Variants in DUSP15 observed in about 807,000 individuals in gnomAD.
The protein encoded by DUSP15 is dual specificity protein phosphatase 15.
DUSP15 carries 23 observed loss-of-function variants against 26.3 expected under a neutral mutation model. The ratio of observed to expected loss-of-function variants is 0.87; its 90% CI spans 0.63 to 1.24. The LOEUF is 1.24. Among genes scored for constraint, DUSP15 ranks in the 50% most tolerant of loss-of-function variants. DUSP15 has a pLI of 0.00. For synonymous variants in DUSP15, 143 were observed against 135.5 expected (o/e 1.06, Z -0.39); for missense variants, 364 against 320.6 (o/e 1.14, Z -1.03).
chr20:31,865,074 A>G, intron 3 of DUSP15, 72 bp from the exon 4 acceptor site: 2 of 1,558,462 alleles, frequency 1.3e-6, no homozygotes, highest in Non-Finnish European at 1.8e-6. Context: ...CGAGCTGCCC[A>G]GGCAGGGCAT....
chr20:31,846,442 T>A (rs551270680), downstream of DUSP15, among the ~76,000 whole-genome samples: 1 of 107,786 alleles, frequency 9.3e-6, no homozygotes, highest in East Asian at 2.3e-4. Context: ...AAGGAATGAA[T>A]AGAGAGAGAG....
chr20:31,854,581 A>G (rs2062530028), intron 6 of DUSP15, among the ~76,000 whole-genome samples: 1 of 152,186 alleles, frequency 6.6e-6, no homozygotes, highest in Non-Finnish European at 1.5e-5. Context: ...GGACACCCCC[A>G]GTATGTATTT....
chr20:31,849,616 C>A (rs2062430483), intron 8 of DUSP15: 1 of 1,476,908 alleles, frequency 6.8e-7, no homozygotes, highest in Admixed American at 1.8e-5. Context: ...CCAGTACAGG[C>A]CCTGGCACAG....
At chr20:31,846,293 GACACAC>G (rs71336552), downstream of DUSP15, among the ~76,000 whole-genome samples, 2,047 of 141,090 alleles carry the variant, frequency 0.015, 40 homozygotes, top group African/African-American at 0.049. Context: ...CACAGACACA[GACACAC>G]ACACACACAC....
chr20:31,868,661 G>A (rs1476049961), intron 2 of DUSP15, among the ~76,000 whole-genome samples: 3 of 151,876 alleles, frequency 2.0e-5, no homozygotes, highest in South Asian at 4.2e-4. Context: ...TGTATTTTTA[G>A]TAGAGACGGG....
downstream of DUSP15, among the ~76,000 whole-genome samples, chr20:31,858,280 G>C (rs1177590238): frequency 6.6e-6 from 1 of 152,144 alleles, no homozygotes; most frequent in Non-Finnish European, 1.5e-5. This position sits in a 1 kb window ranked among gnomAD's most constrained non-coding sequence, Gnocchi z 4.4. Flanking sequence ...TGCCCCCCCA[G>C]TCCCAGAGGC....
In DUSP15 at chr20:31,870,427, C is replaced by A; in HGVS notation, c.-90G>T. 7.7e-7 allele frequency: 1 copy of A among 1,295,690 alleles called. No homozygotes were observed. Among genetic ancestry groups the A allele is most frequent in the Non-Finnish European group, 9.7e-7 (1 of 1,025,818 alleles). 80.3% of individuals were successfully genotyped at this position (1,295,690 alleles called of 1,614,324 possible). On this transcript the variant is annotated 5_prime_UTR_variant, in exon 1 of 7. Transcript: ENST00000339738. This position sits in a 1 kb window ranked among gnomAD's most constrained non-coding sequence, Gnocchi z 6.6. ...CTGCCCTGACGGCCCAGGCCCGACG[C>A]CTGCAGCCTGGCGGGGAACGGGGGG...
chr20:31,856,221 A>G (rs1036491088), downstream of DUSP15, among the ~76,000 whole-genome samples: 1 of 152,228 alleles, frequency 6.6e-6, no homozygotes, highest in Non-Finnish European at 1.5e-5. Flanking sequence ...TGATAAAGAC[A>G]TGAAACATTT....
intron 6 of DUSP15, among the ~76,000 whole-genome samples, chr20:31,853,339 G>C (rs987078035): frequency 6.6e-6 from 1 of 152,080 alleles, no homozygotes; most frequent in South Asian, 2.1e-4. Context: ...GCTATCTGCC[G>C]AGCCATAGAA....
chr20:31,848,443 G>C (rs2062403405), exon 10 of DUSP15: 7 of 1,611,944 alleles, frequency 4.3e-6, no homozygotes, highest in Non-Finnish European at 5.9e-6. Context: ...GCTTAGGATG[G>C]AGGCAGCTGC....
Position 31,870,426 on chromosome 20 carries a change from G to T in DUSP15, c.-89C>A, listed in dbSNP as rs1035444625. 9.3e-6 allele frequency: 12 copies of T among 1,289,322 alleles called. No individual in the cohort carries two copies. Among genetic ancestry groups the T allele is most frequent in the Non-Finnish European group, 1.2e-5 (12 of 1,022,346 alleles). 79.9% of individuals were successfully genotyped at this position (1,289,322 alleles called of 1,614,324 possible). Reference sequence around the variant, plus strand: ...GCTGCCCTGACGGCCCAGGCCCGACGCCTGCAGCCTGGCGGGGAACGGGGG... The same window carrying T: ...GCTGCCCTGACGGCCCAGGCCCGACTCCTGCAGCCTGGCGGGGAACGGGGG... On this transcript the variant is annotated 5_prime_UTR_variant, in exon 1 of 7. Transcript: ENST00000339738. The surrounding 1 kb of genome is among the most constrained non-coding windows in gnomAD (Gnocchi z 6.6).
rs2062895683 is a variant in DUSP15 at position 31,870,381 on chromosome 20, C to T, written c.-44G>A. 1.6e-6 allele frequency: 2 copies of T among 1,279,550 alleles called. No individual in the cohort carries two copies. Among genetic ancestry groups the T allele is most frequent in the African/African-American group, 3.0e-5 (2 of 65,666 alleles). The allele number at this position is 1,279,550 out of a possible 1,614,324, so 79.3% of individuals were successfully genotyped here. A position where few individuals can be genotyped will look rare whatever the true frequency, so the allele number is the denominator to read the frequency against. ...CCGGGTGCACCCCCAGCTCGCCGCC[C>T]GGGAAGCGATCCGGTCACAGCTGCC... On this transcript the variant is annotated 5_prime_UTR_variant, in exon 1 of 7. Transcript: ENST00000339738. This position sits in a 1 kb window ranked among gnomAD's most constrained non-coding sequence, Gnocchi z 6.6.
At chr20:31,846,568 C>T (rs901636999), downstream of DUSP15, among the ~76,000 whole-genome samples, 2 of 152,128 alleles carry the variant, frequency 1.3e-5, no homozygotes, top group African/African-American at 4.8e-5. Flanking sequence ...GCTTTTCCCT[C>T]TTCTCCCAGG....
chr20:31,867,261 C>T (rs2062788861), intron 2 of DUSP15, 108 bp from the exon 3 acceptor site: 1 of 919,228 alleles, frequency 1.1e-6, no homozygotes, highest in East Asian at 2.6e-5. Flanking sequence ...CCCACCACTC[C>T]ACCTTGGCCC....
intron 6 of DUSP15, among the ~76,000 whole-genome samples, chr20:31,853,959 T>A (rs936864061): frequency 6.6e-6 from 1 of 152,018 alleles, no homozygotes; most frequent in Non-Finnish European, 1.5e-5. Context: ...GAGGTAACAT[T>A]TGTGCTAAAA....
At chr20:31,850,492 G>T in intron 7 of DUSP15, 1 of 1,009,790 alleles carries the variant, frequency 9.9e-7, no homozygotes, top group Non-Finnish European at 1.5e-6. Context: ...GACTGTTGTG[G>T]CTATTATTGG....
In DUSP15 at chr20:31,870,191, C is replaced by T. The variant is rs1226023035; in HGVS notation, c.21+126G>A. On this transcript the variant is annotated intron_variant, in intron 1 of 6. Transcript: ENST00000339738. The surrounding 1 kb of genome is among the most constrained non-coding windows in gnomAD (Gnocchi z 6.6). ...GCCGCGGTCTCGAGTCACAGGGACA[C>T]GGAGATGCCGCCGCACGGAGACCGG... The T allele has an allele frequency of 4.4e-5, 54 of 1,225,152 alleles. No individual in the cohort carries two copies. Among genetic ancestry groups the T allele is most frequent in the Non-Finnish European group, 2.0e-6 (2 of 983,460 alleles). The allele number at this position is 1,225,152 out of a possible 1,614,324, so 75.9% of individuals were successfully genotyped here. A position where few individuals can be genotyped will look rare whatever the true frequency, so the allele number is the denominator to read the frequency against.
At chr20:31,865,181 T>C (rs1340938018) in intron 3 of DUSP15, among the ~76,000 whole-genome samples, 179 bp from the exon 4 acceptor site, 6 of 152,144 alleles carry the variant, frequency 3.9e-5, no homozygotes. Flanking sequence ...CTGTGACCAC[T>C]TGTGATTCCT....
In DUSP15 at chr20:31,861,119, T is replaced by C; in HGVS notation, c.*284A>G. ...AATACCCTCCAGGCCCGTCAAACCCTCCACTCTCCCTCCCTCCCCTCCCGC... is the reference window on the plus strand; with the variant it reads ...AATACCCTCCAGGCCCGTCAAACCCCCCACTCTCCCTCCCTCCCCTCCCGC... On this transcript the variant is annotated 3_prime_UTR_variant, in exon 7 of 7. Transcript: ENST00000339738. The C allele has an allele frequency of 7.7e-7, 1 of 1,304,972 alleles. No individual in the cohort carries two copies. Among genetic ancestry groups the C allele is most frequent in the Non-Finnish European group, 9.7e-7 (1 of 1,031,392 alleles). The allele number at this position is 1,304,972 out of a possible 1,614,324, so 80.8% of individuals were successfully genotyped here.
Sources: gnomAD v4.1 joint callset for allele counts (sites outside exome capture counted in the v4.1 genomes callset) on GRCh38, gnomAD v4.1.1 for gene constraint, Gnocchi (gnomAD v3.1) non-coding constraint, MANE v1.5 for transcripts, NCBI Gene and HGNC (gene_info 2026-07-23, HGNC 2026-07-21) for gene names.